Variants in PAX5 observed in about 807,000 individuals in gnomAD.
PAX5 encodes the protein paired box 5, also known as paired box protein Pax-5.
Under a neutral mutation model 43.7 loss-of-function variants are expected in PAX5, and 9 were observed. That is an observed-to-expected ratio of 0.21 (90% CI 0.12 to 0.36). The LOEUF is 0.36. Ranked by LOEUF, PAX5 falls within the 10% of genes least tolerant of loss-of-function variation. The pLI is 1.00. For missense variants in PAX5, 383 were observed against 532.7 expected (o/e 0.72, Z 2.77); for synonymous variants, 228 against 214.3 (o/e 1.06, Z -0.56).
In PAX5 at chr9:36,987,836, C is replaced by T. The variant is rs146337597; in HGVS notation, c.604+14812G>A. Among the ~76,000 whole-genome samples the T allele has an allele frequency of 4.9e-3, 753 of 152,338 alleles. 4 individuals carry two copies. The highest frequency in any genetic ancestry group is 0.017 in the African/African-American group (706 of 41,572). ...CTCTGCCTCTCTGCCTGCCTGCCTGCCTCCTTAAGGTTGTCTCCCGAGAGG... is the reference window on the plus strand; with the variant it reads ...CTCTGCCTCTCTGCCTGCCTGCCTGTCTCCTTAAGGTTGTCTCCCGAGAGG... On this transcript the variant is annotated intron_variant, in intron 5 of 9. Transcript: ENST00000358127.
At chr9:36,852,686 C>T (rs1823275249) in intron 8 of PAX5, among the ~76,000 whole-genome samples, 1 of 152,230 alleles carries the variant, frequency 6.6e-6, no homozygotes, top group African/African-American at 2.4e-5. Flanking sequence ...CTGCCTAACC[C>T]CGAGCAATGC....
At position 36,918,432 on chromosome 9, in the gene PAX5, G is replaced by A. The variant is rs142368772; in HGVS notation, c.910+4923C>T. Among the ~76,000 whole-genome samples, 170 of 152,316 alleles carry A rather than the reference G, an allele frequency of 1.1e-3. 3 individuals are homozygous for A. In the East Asian group the frequency reaches 0.031, roughly 28 times the overall value. On this transcript the variant is annotated intron_variant, in intron 7 of 9. Coordinates refer to ENST00000358127, the MANE Select transcript of PAX5 (RefSeq NM_016734.3). ...AATCCCAGCACTTTGGGAGGCAGAG[G>A]TGGGAGGATTGCTTGAGCCTAGGAG...
At chr9:36,845,737 G>T (rs911813160) in intron 9 of PAX5, among the ~76,000 whole-genome samples, 1 of 152,208 alleles carries the variant, frequency 6.6e-6, no homozygotes. Flanking sequence ...GGTTTGGGAA[G>T]GGGTCAAGGC....
chr9:36,976,153 A>C (rs7037975), intron 5 of PAX5, among the ~76,000 whole-genome samples: 1,990 of 152,296 alleles, frequency 0.013, 38 homozygotes, highest in African/African-American at 0.044. Context: ...AGAATTTTGA[A>C]CTAGAGTGGA....
chr9:36,870,095 G>A (rs1447349759), intron 8 of PAX5, among the ~76,000 whole-genome samples: 5 of 44,422 alleles, frequency 1.1e-4, no homozygotes, highest in African/African-American at 4.3e-4. Context: ...TAAATGGATG[G>A]ATGGATGGAT....
At chr9:36,999,249 A>T (rs1434112594) in intron 5 of PAX5, among the ~76,000 whole-genome samples, 1 of 152,068 alleles carries the variant, frequency 6.6e-6, no homozygotes, top group African/African-American at 2.4e-5. Flanking sequence ...ACTTGGCACA[A>T]TCTCTCTTGC....
chr9:36,833,372 T>A lies in PAX5; in HGVS notation c.*7188A>T. 4.3e-6 allele frequency: 1 copy of A among 233,044 alleles called. No individual in the cohort carries two copies. Among genetic ancestry groups the A allele is most frequent in the East Asian group, 6.0e-5 (1 of 16,556 alleles). 14.4% of individuals were successfully genotyped at this position (233,044 alleles called of 1,614,324 possible). A position where few individuals can be genotyped will look rare whatever the true frequency, so the allele number is the denominator to read the frequency against. On this transcript the variant is annotated 3_prime_UTR_variant, in exon 10 of 10. Transcript: ENST00000358127. ...ATAAAGGTTACATAAAATCAATTCTTCACAAGTAACAGCCACTCATGAAAA... is the reference window on the plus strand; with the variant it reads ...ATAAAGGTTACATAAAATCAATTCTACACAAGTAACAGCCACTCATGAAAA...
At chr9:36,900,388 C>G (rs141821836) in intron 7 of PAX5, among the ~76,000 whole-genome samples, 1 of 152,238 alleles carries the variant, frequency 6.6e-6, no homozygotes, top group Non-Finnish European at 1.5e-5. Flanking sequence ...ACAGCATGGC[C>G]GCTTCACAGA....
chr9:36,966,496 G>A, intron 6 of PAX5, 53 bp downstream of exon 6: 1 of 1,581,074 alleles, frequency 6.3e-7, no homozygotes, highest in East Asian at 2.2e-5. Context: ...CAGGAACCTG[G>A]CTGGGCCGGT....
intron 7 of PAX5, among the ~76,000 whole-genome samples, chr9:36,888,678 G>A (rs948362405): frequency 4.6e-5 from 7 of 152,224 alleles, no homozygotes; most frequent in African/African-American, 1.7e-4. Context: ...CTGCATCTGG[G>A]GAGAGGGCAG....
chr9:37,032,025 A>G (rs1588288359), intron 1 of PAX5, among the ~76,000 whole-genome samples: 1 of 152,082 alleles, frequency 6.6e-6, no homozygotes, highest in Non-Finnish European at 1.5e-5. Context: ...GCTGGAGTGG[A>G]CAGATGGAAG....
rs944788088 is a variant in PAX5, at chr9:36,834,579, T to C, written c.*5981A>G. On this transcript the variant is annotated 3_prime_UTR_variant, in exon 10 of 10. Transcript: ENST00000358127. The stretch of plus-strand genomic sequence containing the variant: ...AGCTTTATAGCAATTAATTGGCTAT[T>C]GATTGGTTGGAATGTTCAACTCTCC... The C allele has an allele frequency of 4.3e-6, 1 of 233,166 alleles. No homozygotes were observed. Among genetic ancestry groups the C allele is most frequent in the Admixed American group, 5.6e-5 (1 of 17,780 alleles). 14.4% of individuals were successfully genotyped at this position (233,166 alleles called of 1,614,324 possible).
At chr9:37,026,331 G>A (rs1382669255) in intron 1 of PAX5, among the ~76,000 whole-genome samples, 1 of 152,284 alleles carries the variant, frequency 6.6e-6, no homozygotes, top group Admixed American at 6.5e-5. Context: ...CGTTGCCGGA[G>A]GCGGGATTCC....
At chr9:36,967,983 A>C (rs539862691) in intron 5 of PAX5, among the ~76,000 whole-genome samples, 80 of 152,334 alleles carry the variant, frequency 5.3e-4, no homozygotes, top group African/African-American at 1.8e-3. Context: ...CTCAAGCTTG[A>C]ACTGTTCAAA....
At chr9:36,909,062 C>A (rs545906237) in intron 7 of PAX5, among the ~76,000 whole-genome samples, 7 of 152,290 alleles carry the variant, frequency 4.6e-5, no homozygotes, top group South Asian at 2.1e-4. Flanking sequence ...AATGATCGGA[C>A]CTCTGGCACC....
rs146131661 is a variant in PAX5, at chr9:36,983,003, G to A, written c.605-16279C>T. 2.5e-3 allele frequency among the ~76,000 whole-genome samples: 379 copies of A among 152,266 alleles called. 1 individual carries two copies. The highest frequency in any genetic ancestry group is 8.5e-3 in the African/African-American group (354 of 41,530). On this transcript the variant is annotated intron_variant, in intron 5 of 9. Coordinates refer to ENST00000358127, the MANE Select transcript of PAX5 (RefSeq NM_016734.3). ...GTATGGCATTTAATGGATGGGGCCA[G>A]GGATGCTACCCAGCACAGTTCAGCA...
At chr9:36,934,718 G>C (rs2132028675) in intron 6 of PAX5, among the ~76,000 whole-genome samples, 1 of 152,324 alleles carries the variant, frequency 6.6e-6, no homozygotes, top group East Asian at 1.9e-4. Context: ...TAAAATGGCT[G>C]AGTGTGCCTC....
Position 36,840,244 on chromosome 9 carries a change from T to G in PAX5, c.*316A>C. On this transcript the variant is annotated 3_prime_UTR_variant, in exon 10 of 10. Coordinates refer to ENST00000358127, the MANE Select transcript of PAX5 (RefSeq NM_016734.3). ...TGGGGTGGTTATGATGGATGGATAG[T>G]CAGACAGCTGGAGGACAGGCAGGCT... is the stretch of plus-strand genomic sequence containing the variant. The G allele has an allele frequency of 3.9e-6, 2 of 514,864 alleles. No individual in the cohort carries two copies. Among genetic ancestry groups the G allele is most frequent in the Non-Finnish European group, 7.0e-6 (2 of 287,648 alleles). 31.9% of individuals were successfully genotyped at this position (514,864 alleles called of 1,614,324 possible). A position where few individuals can be genotyped will look rare whatever the true frequency, so the allele number is the denominator to read the frequency against.
At chr9:36,925,344 C>T (rs534237251) in intron 6 of PAX5, among the ~76,000 whole-genome samples, 27 of 152,216 alleles carry the variant, frequency 1.8e-4, no homozygotes, top group South Asian at 1.2e-3. Context: ...CAAAGCAAGC[C>T]CAGGTCCTTC....
Sources: gnomAD v4.1 joint callset for allele counts (sites outside exome capture counted in the v4.1 genomes callset) on GRCh38, gnomAD v4.1.1 for gene constraint, MANE v1.5 for transcripts, NCBI Gene and HGNC (gene_info 2026-07-23, HGNC 2026-07-21) for gene names.